The following MBOAT2 variants were observed in gnomAD, a reference collection of about 807,000 sequenced individuals.
MBOAT2 encodes the protein membrane bound glycerophospholipid O-acyltransferase 2.
Under a neutral mutation model 63.4 loss-of-function variants are expected in MBOAT2, and 28 were observed. That is an observed-to-expected ratio of 0.44 (90% CI 0.33 to 0.61). MBOAT2 has a LOEUF of 0.61. MBOAT2 is among the 20% of genes least tolerant of loss of function. The pLI is 0.03. For synonymous variants in MBOAT2, 211 were observed against 215.6 expected (o/e 0.98, Z 0.19); for missense variants, 470 against 605.8 (o/e 0.78, Z 2.35).
intron 1 of MBOAT2, among the ~76,000 whole-genome samples, chr2:8,973,017 G>A (rs749734889): frequency 1.4e-4 from 21 of 152,144 alleles, no homozygotes; most frequent in Non-Finnish European, 2.5e-4. Context: ...TCCCATTACT[G>A]GGTATATACC....
In MBOAT2 at chr2:8,962,257, A is replaced by T. The variant is rs368797849; in HGVS notation, c.76-3615T>A. Among the ~76,000 whole-genome samples the T allele has an allele frequency of 5.8e-4, 89 of 152,296 alleles. 2 individuals are homozygous for T. In the South Asian group the frequency reaches 0.018, roughly 30 times the overall value. On this transcript the variant is annotated intron_variant, in intron 1 of 12. Coordinates refer to ENST00000305997, the MANE Select transcript of MBOAT2 (RefSeq NM_138799.4). ...ACTCGTTACAAATCAGGTAGTCTAG[A>T]TCTAGAATTTGAATTCCTGACCACT...
intron 4 of MBOAT2, among the ~76,000 whole-genome samples, chr2:8,896,508 T>C (rs1485015015): frequency 6.6e-6 from 1 of 152,206 alleles, no homozygotes; most frequent in Non-Finnish European, 1.5e-5. Context: ...TGAGAAATCC[T>C]TTGAGAGTGT....
At chr2:8,900,682 C>T (rs754273142) in intron 4 of MBOAT2, among the ~76,000 whole-genome samples, 3 of 152,022 alleles carry the variant, frequency 2.0e-5, no homozygotes, top group Admixed American at 6.6e-5. Context: ...TAGGATATGG[C>T]GGTAAGCTGA....
chr2:8,889,734 A>G (rs530608010), intron 4 of MBOAT2, among the ~76,000 whole-genome samples: 1 of 152,356 alleles, frequency 6.6e-6, no homozygotes, highest in East Asian at 1.9e-4. Context: ...CTTAAAACAT[A>G]GTAACAACTG....
chr2:8,936,546 A>G (rs1209345094), intron 3 of MBOAT2, among the ~76,000 whole-genome samples: 1 of 152,186 alleles, frequency 6.6e-6, no homozygotes, highest in Admixed American at 6.5e-5. Context: ...GCACTCTGGG[A>G]GGCCAAGGCA....
chr2:8,858,559 A>T lies in MBOAT2; in HGVS notation c.*120T>A. On this transcript the variant is annotated 3_prime_UTR_variant, in exon 13 of 13. Transcript: ENST00000305997. ...CTGGTGTACAGGAAATTCCTTATCT[A>T]TAACTGTCCATTTCCCCCCAGTTAA... 1 of 706,842 alleles carries T rather than the reference A, an allele frequency of 1.4e-6. No homozygotes were observed. Among genetic ancestry groups the T allele is most frequent in the South Asian group, 1.9e-5 (1 of 51,380 alleles). 43.8% of individuals were successfully genotyped at this position (706,842 alleles called of 1,614,324 possible). A position where few individuals can be genotyped will look rare whatever the true frequency, so the allele number is the denominator to read the frequency against.
In MBOAT2 at chr2:8,916,284, C is replaced by T. The variant is rs1379829603; in HGVS notation, c.300-7568G>A. Among the ~76,000 whole-genome samples the T allele has an allele frequency of 3.9e-5, 6 of 152,306 alleles. No homozygotes were observed. The South Asian group carries it at 1.0e-3, about 26-fold the overall frequency. On this transcript the variant is annotated intron_variant, in intron 3 of 12. Coordinates refer to ENST00000305997, the MANE Select transcript of MBOAT2 (RefSeq NM_138799.4). ...TGCTGTTTACACCATTCAGATACTACTATAAATTGGGATTTCTGCTCTTCA... is the reference window on the plus strand; with the variant it reads ...TGCTGTTTACACCATTCAGATACTATTATAAATTGGGATTTCTGCTCTTCA...
At chr2:8,924,097 T>C (rs1036524448) in intron 3 of MBOAT2, among the ~76,000 whole-genome samples, 1 of 152,016 alleles carries the variant, frequency 6.6e-6, no homozygotes, top group Non-Finnish European at 1.5e-5. Flanking sequence ...TGAGAAATCG[T>C]CTCTATATTT....
chr2:8,857,899 GCCTT>G lies in MBOAT2; in HGVS notation c.*776_*779del, dbSNP rs1411935700. The G allele has an allele frequency of 6.6e-6, 1 of 152,240 alleles. No homozygotes were observed. The highest frequency in any genetic ancestry group is 1.5e-5 in the Non-Finnish European group (1 of 68,050). The allele number at this position is 152,240 out of a possible 1,614,324, so 9.4% of individuals were successfully genotyped here. A position where few individuals can be genotyped will look rare whatever the true frequency, so the allele number is the denominator to read the frequency against. On this transcript the variant is annotated 3_prime_UTR_variant, in exon 13 of 13. Transcript: ENST00000305997. ...GGCCACGCAGTGCTTCTTCATTCCT[GCCTT>G]CCTTCGTCACCTCTCTCTTTTAAGA...
intron 3 of MBOAT2, among the ~76,000 whole-genome samples, chr2:8,929,790 G>A (rs1356339139): frequency 6.6e-6 from 1 of 152,118 alleles, no homozygotes; most frequent in Non-Finnish European, 1.5e-5. Context: ...GTTCCAGCTG[G>A]GCTTCCTGGG....
chr2:8,974,974 T>C (rs1670716119), intron 1 of MBOAT2, among the ~76,000 whole-genome samples: 1 of 152,100 alleles, frequency 6.6e-6, no homozygotes. Context: ...TAGAGCCAAC[T>C]TTAGTAAGGT....
intron 6 of MBOAT2, among the ~76,000 whole-genome samples, chr2:8,878,033 G>A (rs755236402): frequency 1.7e-4 from 26 of 152,182 alleles, no homozygotes; most frequent in Non-Finnish European, 2.2e-4. Flanking sequence ...GTCTCAATGC[G>A]TCACTCCAGC....
intron 3 of MBOAT2, among the ~76,000 whole-genome samples, chr2:8,929,358 A>G (rs142546001): frequency 0.022 from 3,300 of 152,086 alleles, 138 homozygotes; most frequent in African/African-American, 0.075. Flanking sequence ...TCATTCATTC[A>G]TTCATTCATT....
chr2:8,859,009 TTAC>T, intron 12 of MBOAT2, 105 bp from the exon 13 acceptor site: 1 of 736,272 alleles, frequency 1.4e-6, no homozygotes, highest in Non-Finnish European at 2.2e-6. Flanking sequence ...ATGTATTTGT[TTAC>T]TACATTACTA....
At chr2:8,998,063 T>C (rs1672429859) in intron 1 of MBOAT2, among the ~76,000 whole-genome samples, 1 of 152,240 alleles carries the variant, frequency 6.6e-6, no homozygotes, top group South Asian at 2.1e-4. Context: ...AAAAAGAATT[T>C]GGGCAGCTTT....
chr2:8,953,202 A>G (rs986349636), intron 2 of MBOAT2, among the ~76,000 whole-genome samples: 4 of 152,182 alleles, frequency 2.6e-5, no homozygotes, highest in Admixed American at 2.6e-4. Context: ...AAAAGAGTCT[A>G]GTTCTCCTTC....
At chr2:8,985,949 G>A (rs1454569720) in intron 1 of MBOAT2, among the ~76,000 whole-genome samples, 1 of 152,088 alleles carries the variant, frequency 6.6e-6, no homozygotes, top group East Asian at 1.9e-4. Context: ...ATGGAAAGTG[G>A]GAGTAAAAAG....
chr2:8,950,108 G>A (rs1274663387), intron 2 of MBOAT2, among the ~76,000 whole-genome samples: 2 of 151,622 alleles, frequency 1.3e-5, no homozygotes, highest in Admixed American at 6.6e-5. Context: ...TTCTTGATTT[G>A]GCTCTCAGCT....
intron 8 of MBOAT2, among the ~76,000 whole-genome samples, chr2:8,872,852 GAATAT>G (rs1385091764): frequency 6.6e-6 from 1 of 152,144 alleles, no homozygotes; most frequent in African/African-American, 2.4e-5. Flanking sequence ...ACTGAATCTA[GAATAT>G]AATATGCATT....
Sources: gnomAD v4.1 joint callset for allele counts (sites outside exome capture counted in the v4.1 genomes callset) on GRCh38, gnomAD v4.1.1 for gene constraint, MANE v1.5 for transcripts, NCBI Gene and HGNC (gene_info 2026-07-23, HGNC 2026-07-21) for gene names.